The following KLF7 variants were observed in gnomAD, a reference collection of about 807,000 sequenced individuals.
KLF7 encodes the protein Krueppel-like factor 7.
In KLF7, 2 loss-of-function variants were observed where a neutral mutation model predicts 27.3. That is an observed-to-expected ratio of 0.07 (90% CI 0.03 to 0.23). The LOEUF (loss-of-function observed/expected upper bound fraction) is 0.23, where lower values mean the gene tolerates loss of function less well. Ranked by LOEUF, KLF7 falls within the 10% of genes least tolerant of loss-of-function variation. The probability of loss-of-function intolerance (pLI) is 1.00; values close to 1 mark genes in which losing one functional copy is unlikely to be tolerated. For missense variants in KLF7, 221 were observed against 394.1 expected (o/e 0.56, Z 3.72); for synonymous variants, 165 against 162.4 (o/e 1.02, Z -0.12).
intron 2 of KLF7, among the ~76,000 whole-genome samples, chr2:207,098,424 T>C (rs760772319): frequency 1.3e-5 from 2 of 152,194 alleles, no homozygotes; most frequent in Admixed American, 6.5e-5. Flanking sequence ...TTTCTTTCCA[T>C]TTAGCAGCAA....
chr2:207,172,130 C>T (rs528072578), upstream of KLF7, among the ~76,000 whole-genome samples: 3 of 152,258 alleles, frequency 2.0e-5, no homozygotes, highest in South Asian at 2.1e-4. Flanking sequence ...CCTATTTTCT[C>T]TCCTGAAACA....
At chr2:207,099,574 G>C (rs1168619514) in intron 2 of KLF7, among the ~76,000 whole-genome samples, 2 of 29,188 alleles carry the variant, frequency 6.9e-5, no homozygotes, top group African/African-American at 1.7e-4. Context: ...ATATATATAT[G>C]AAAAGAGATA....
At chr2:207,156,367 A>G (rs2078383938) in intron 1 of KLF7, among the ~76,000 whole-genome samples, 2 of 152,198 alleles carry the variant, frequency 1.3e-5, no homozygotes, top group Admixed American at 1.3e-4. Flanking sequence ...TACTAGAAAG[A>G]TGGATCCTCT....
chr2:207,098,284 C>G (rs1277389704), intron 2 of KLF7, among the ~76,000 whole-genome samples: 1 of 151,850 alleles, frequency 6.6e-6, no homozygotes, highest in Non-Finnish European at 1.5e-5. Context: ...TTGGTGATTA[C>G]CAGTTACAAT....
chr2:207,111,770 G>A (rs552923418), intron 2 of KLF7, among the ~76,000 whole-genome samples: 2 of 152,138 alleles, frequency 1.3e-5, no homozygotes, highest in Non-Finnish European at 2.9e-5. Flanking sequence ...TACGATGAGA[G>A]GAAGCCTCGG....
Position 207,132,982 on chromosome 2 carries a change from C to T in KLF7, c.103-8578G>A, listed in dbSNP as rs201505397. On this transcript the variant is annotated intron_variant, in intron 1 of 3. Transcript: ENST00000309446. The stretch of plus-strand genomic sequence containing the variant: ...GACATACTGACTGGGAGTCTGTTGG[C>T]CTGGCCTCTACCCACAGTTGCAGAG... Among the ~76,000 whole-genome samples, 18 of 152,348 alleles carry T rather than the reference C, an allele frequency of 1.2e-4. 1 individual carries two copies. The East Asian group carries it at 2.5e-3, about 21-fold the overall frequency.
upstream of KLF7, among the ~76,000 whole-genome samples, chr2:207,168,275 A>G (rs187206946): frequency 7.1e-4 from 108 of 152,358 alleles, no homozygotes; most frequent in African/African-American, 2.5e-3. Flanking sequence ...CGTGAGTTTG[A>G]AGATTTTACA....
intron 1 of KLF7, among the ~76,000 whole-genome samples, chr2:207,126,445 T>C (rs1042212852): frequency 3.9e-5 from 6 of 152,220 alleles, no homozygotes; most frequent in East Asian, 1.9e-4. Flanking sequence ...TACTCTTCAA[T>C]AGCCATCTTT....
intron 2 of KLF7, among the ~76,000 whole-genome samples, chr2:207,108,449 T>A (rs752461390): frequency 7.6e-4 from 115 of 152,282 alleles, no homozygotes; most frequent in Non-Finnish European, 1.2e-3. Flanking sequence ...CACACAAAAA[T>A]ATCTACAGAC....
At chr2:207,143,711 C>A (rs938633338) in intron 1 of KLF7, among the ~76,000 whole-genome samples, 1 of 152,192 alleles carries the variant, frequency 6.6e-6, no homozygotes, top group Non-Finnish European at 1.5e-5. Flanking sequence ...GGCTACTACT[C>A]AGATTCAACG....
chr2:207,155,587 G>C (rs1439698997), intron 1 of KLF7, among the ~76,000 whole-genome samples: 2 of 152,158 alleles, frequency 1.3e-5, no homozygotes, highest in Non-Finnish European at 1.5e-5. Flanking sequence ...CCATCACAGA[G>C]GAAATCATCT....
intron 2 of KLF7, among the ~76,000 whole-genome samples, chr2:207,102,461 A>G (rs1197371300): frequency 6.6e-6 from 1 of 152,202 alleles, no homozygotes; most frequent in Non-Finnish European, 1.5e-5. Flanking sequence ...TGCTTAAGTT[A>G]TTAATTTCCC....
chr2:207,106,745 C>T (rs1276782390), intron 2 of KLF7, among the ~76,000 whole-genome samples: 1 of 152,100 alleles, frequency 6.6e-6, no homozygotes, highest in African/African-American at 2.4e-5. Flanking sequence ...AGTCAAGAAA[C>T]ACTTTGGAAA....
At position 207,165,854 on chromosome 2, in the gene KLF7, T is replaced by G; in HGVS notation, c.-286A>C. ...GGGACTTCTCCACGGGAGTAACAAT[T>G]CCCTTCCAGGGCTCTAATCACTCCA... is the stretch of plus-strand genomic sequence containing the variant. On this transcript the variant is annotated 5_prime_UTR_variant, in exon 1 of 4. Coordinates refer to ENST00000309446, the MANE Select transcript of KLF7 (RefSeq NM_003709.4). The G allele has an allele frequency of 7.8e-7, 1 of 1,274,662 alleles. No individual in the cohort carries two copies. The allele number at this position is 1,274,662 out of a possible 1,614,324, so 79.0% of individuals were successfully genotyped here. A position where few individuals can be genotyped will look rare whatever the true frequency, so the allele number is the denominator to read the frequency against.
intron 2 of KLF7, among the ~76,000 whole-genome samples, chr2:207,097,261 A>AC (rs1440334940): frequency 6.9e-6 from 1 of 145,648 alleles, no homozygotes; most frequent in Non-Finnish European, 1.5e-5. Flanking sequence ...GGAAGGAATT[A>AC]AAAAAAAAAA....
intron 2 of KLF7, among the ~76,000 whole-genome samples, chr2:207,114,835 ATGAT>A (rs927415868): frequency 2.6e-5 from 4 of 152,236 alleles, no homozygotes; most frequent in African/African-American, 4.8e-5. Context: ...CTGCAACAAA[ATGAT>A]TGATAGCTTT....
At chr2:207,094,150 TAGAG>T (rs772061662) in intron 2 of KLF7, among the ~76,000 whole-genome samples, 2 of 152,338 alleles carry the variant, frequency 1.3e-5, no homozygotes, top group Non-Finnish European at 1.5e-5. Context: ...GCCTTTAAGA[TAGAG>T]AGTGTAGCAT....
intron 2 of KLF7, among the ~76,000 whole-genome samples, chr2:207,114,138 C>A (rs1199666269): frequency 1.3e-5 from 2 of 152,146 alleles, no homozygotes; most frequent in Admixed American, 6.5e-5. Context: ...AGGGTGAATC[C>A]TCTGTGTACT....
intron 2 of KLF7, among the ~76,000 whole-genome samples, chr2:207,097,561 T>C (rs985786720): frequency 2.0e-5 from 3 of 152,128 alleles, no homozygotes; most frequent in African/African-American, 7.2e-5. Flanking sequence ...GCCATGGAAA[T>C]ACACGGGACT....
Sources: allele counts gnomAD v4.1 joint callset (sites outside exome capture counted in the v4.1 genomes callset), GRCh38; gene constraint gnomAD v4.1.1; transcripts MANE v1.5; gene names NCBI Gene and HGNC (gene_info 2026-07-23, HGNC 2026-07-21).